The following BCKDHB variants were observed in gnomAD, a reference collection of about 807,000 sequenced individuals.
The protein encoded by BCKDHB is 2-oxoisovalerate dehydrogenase subunit beta, mitochondrial.
In BCKDHB, 41 loss-of-function variants were observed where a neutral mutation model predicts 48.5. The ratio of observed to expected loss-of-function variants is 0.85; its 90% CI spans 0.66 to 1.10. The LOEUF is 1.10. BCKDHB is among the 50% of genes least tolerant of loss of function. BCKDHB has a pLI of 0.00. For missense variants in BCKDHB, 496 were observed against 494.2 expected, an observed-to-expected ratio of 1.00 and a Z score of -0.03; for synonymous variants, 201 against 174.8, an observed-to-expected ratio of 1.15 and a Z score of -1.18.
chr6:80,187,121 G>A (rs1158750698), intron 6 of BCKDHB, among the ~76,000 whole-genome samples: 2 of 152,144 alleles, frequency 1.3e-5, no homozygotes, highest in Non-Finnish European at 2.9e-5. Context: ...GGAGCTACAT[G>A]TTAGTCCTGT....
chr6:80,318,435 C>T (rs1435861385), intron 9 of BCKDHB, among the ~76,000 whole-genome samples: 1 of 152,076 alleles, frequency 6.6e-6, no homozygotes, highest in East Asian at 1.9e-4. Context: ...GTCTGTAATC[C>T]TAGCACTTTG....
intron 8 of BCKDHB, among the ~76,000 whole-genome samples, chr6:80,224,323 T>C (rs1199811347): frequency 6.6e-6 from 1 of 152,182 alleles, no homozygotes; most frequent in Admixed American, 6.5e-5. Context: ...TGCATTTTAA[T>C]CAGGTTGGTT....
intron 9 of BCKDHB, among the ~76,000 whole-genome samples, chr6:80,342,292 G>T (rs1261513873): frequency 6.6e-6 from 1 of 152,038 alleles, no homozygotes; most frequent in Non-Finnish European, 1.5e-5. Flanking sequence ...CCTTTATAAA[G>T]CAAGGCAATG....
At chr6:80,133,904 A>G (rs955119186) in intron 3 of BCKDHB, among the ~76,000 whole-genome samples, 1 of 152,026 alleles carries the variant, frequency 6.6e-6, no homozygotes, top group Non-Finnish European at 1.5e-5. Flanking sequence ...TGGCCTCCCA[A>G]AGTGCTGGGA....
intron 3 of BCKDHB, among the ~76,000 whole-genome samples, chr6:80,138,938 A>G (rs1324328391): frequency 6.6e-6 from 1 of 152,110 alleles, no homozygotes; most frequent in Non-Finnish European, 1.5e-5. Flanking sequence ...AAGTGTTCCT[A>G]TTTCTCCACA....
chr6:80,459,618 TATTAA>T, the BCKDHB span, among the ~76,000 whole-genome samples: 1 of 151,034 alleles, frequency 6.6e-6, no homozygotes, highest in African/African-American at 2.5e-5. Flanking sequence ...GTAGATATTA[TATTAA>T]ATGTTTTTAC....
the BCKDHB span, among the ~76,000 whole-genome samples, chr6:80,448,896 C>T: frequency 6.6e-6 from 1 of 152,026 alleles, no homozygotes; most frequent in Non-Finnish European, 1.5e-5. Flanking sequence ...ACGCAAAATA[C>T]CCATGTAACA....
chr6:80,130,161 C>T (rs541494561), intron 3 of BCKDHB, among the ~76,000 whole-genome samples: 1 of 152,276 alleles, frequency 6.6e-6, no homozygotes, highest in South Asian at 2.1e-4. Flanking sequence ...GTGTTTTGAC[C>T]TCCTATTGTT....
intron 9 of BCKDHB, among the ~76,000 whole-genome samples, chr6:80,336,171 T>G (rs1020962989): frequency 1.3e-5 from 2 of 151,848 alleles, no homozygotes; most frequent in African/African-American, 4.8e-5. Context: ...AATGTTAAAT[T>G]TTGATTTTAA....
chr6:80,303,192 TTA>T (rs373858124), intron 9 of BCKDHB, among the ~76,000 whole-genome samples: 3 of 151,822 alleles, frequency 2.0e-5, no homozygotes, highest in African/African-American at 2.4e-5. Flanking sequence ...ATTAAATGCT[TTA>T]TATATATATA....
At chr6:80,439,832 C>T in the BCKDHB span, among the ~76,000 whole-genome samples, 1 of 152,300 alleles carries the variant, frequency 6.6e-6, no homozygotes, top group East Asian at 1.9e-4. Context: ...TAAGTCTGTA[C>T]TAGAAGACAT....
At chr6:80,452,708 T>C in the BCKDHB span, among the ~76,000 whole-genome samples, 1 of 152,188 alleles carries the variant, frequency 6.6e-6, no homozygotes, top group Non-Finnish European at 1.5e-5. Context: ...AGCAGAATGT[T>C]GTAGGTTGTG....
the BCKDHB span, among the ~76,000 whole-genome samples, chr6:80,401,176 C>A: frequency 6.6e-6 from 1 of 151,686 alleles, no homozygotes. Context: ...ATGAGTTTAC[C>A]TATATAGCAA....
At chr6:80,361,643 C>A in the BCKDHB span, among the ~76,000 whole-genome samples, 4 of 152,184 alleles carry the variant, frequency 2.6e-5, no homozygotes, top group African/African-American at 9.7e-5. Flanking sequence ...CCCTCTAGAA[C>A]TAGTGCTTTT....
chr6:80,237,053 TGA>T (rs142599128), intron 8 of BCKDHB, among the ~76,000 whole-genome samples: 1,824 of 152,338 alleles, frequency 0.012, 32 homozygotes, highest in African/African-American at 0.042. Context: ...CATTTCATTC[TGA>T]GAGAATTTTA....
intron 3 of BCKDHB, among the ~76,000 whole-genome samples, chr6:80,154,780 A>C (rs921717041): frequency 6.6e-6 from 1 of 152,222 alleles, no homozygotes; most frequent in Admixed American, 6.5e-5. Context: ...GTTGAACTAT[A>C]AGATTGATAT....
Position 80,343,809 on chromosome 6 carries a change from A to G in BCKDHB, c.*5A>G. The G allele has an allele frequency of 2.5e-6, 4 of 1,613,862 alleles. No homozygotes were observed. The highest frequency in any genetic ancestry group is 2.5e-6 in the Non-Finnish European group (3 of 1,179,844). ...CGAAAAATGATCAACTATTGACCAT[A>G]TAGGTAGGTATGCATCTTGAGAAAG... On this transcript the variant is annotated 3_prime_UTR_variant, in exon 10 of 10. Coordinates refer to ENST00000320393, the MANE Select transcript of BCKDHB (RefSeq NM_183050.4).
chr6:80,376,815 T>A, the BCKDHB span, among the ~76,000 whole-genome samples: 1 of 152,156 alleles, frequency 6.6e-6, no homozygotes, highest in Non-Finnish European at 1.5e-5. Flanking sequence ...GAGGAAGAAA[T>A]GATTTCTTAA....
chr6:80,367,149 T>G, the BCKDHB span, among the ~76,000 whole-genome samples: 2 of 152,232 alleles, frequency 1.3e-5, no homozygotes, highest in African/African-American at 4.8e-5. Context: ...TTCCCTTGTT[T>G]GAAAAGCAAG....
Sources: allele counts gnomAD v4.1 joint callset (sites outside exome capture counted in the v4.1 genomes callset), GRCh38; gene constraint gnomAD v4.1.1; transcripts MANE v1.5; gene names NCBI Gene and HGNC (gene_info 2026-07-23, HGNC 2026-07-21).